Variants in ACACB observed in about 807,000 individuals in gnomAD.
The protein encoded by ACACB is acetyl-CoA carboxylase 2.
A neutral mutation model predicts 278.8 loss-of-function variants in ACACB; 209 were observed. The observed-to-expected ratio is 0.75, with a 90% CI of 0.67 to 0.84. The LOEUF (loss-of-function observed/expected upper bound fraction) is 0.84. ACACB is among the 40% of genes least tolerant of loss of function. The probability of loss-of-function intolerance (pLI) is 0.00; values close to 1 mark genes in which losing one functional copy is unlikely to be tolerated. For missense variants in ACACB, 2,850 were observed against 3,269.0 expected (o/e 0.87, Z 3.13); for synonymous variants, 1,174 against 1,285.6 (o/e 0.91, Z 1.86).
At chr12:109,192,672 CAG>C (rs112949246) in intron 15 of ACACB, among the ~76,000 whole-genome samples, 5 of 151,064 alleles carry the variant, frequency 3.3e-5, no homozygotes, top group Admixed American at 1.3e-4. Flanking sequence ...TTTTTTGAGA[CAG>C]AGTCTTGCTC....
Position 109,139,106 on chromosome 12 carries a change from A to G in ACACB, c.-9-291A>G, listed in dbSNP as rs143036739. Among the ~76,000 whole-genome samples the G allele has an allele frequency of 1.3e-3, 194 of 152,284 alleles. 2 individuals carry two copies. Among genetic ancestry groups the G allele is most frequent in the African/African-American group, 4.5e-3 (186 of 41,548 alleles). ...CTCTCAAGATTGGCCTGTTCTGCAC[A>G]CTTCATATACTTGGAATCGTATAAT... On this transcript the variant is annotated intron_variant, in intron 1 of 52. Coordinates refer to ENST00000338432, the MANE Select transcript of ACACB (RefSeq NM_001093.4).
intron 7 of ACACB, among the ~76,000 whole-genome samples, chr12:109,174,987 A>G (rs1301607549): frequency 7.9e-5 from 12 of 152,210 alleles, no homozygotes; most frequent in Non-Finnish European, 1.5e-4. Context: ...ATAGGATTAT[A>G]TCTTATGGAT....
At chr12:109,212,727 C>T (rs758327710) in intron 21 of ACACB, 109 bp from the exon 22 acceptor site, 25 of 857,756 alleles carry the variant, frequency 2.9e-5, no homozygotes, top group Non-Finnish European at 9.6e-6. Flanking sequence ...TCCTAACAGG[C>T]CACGGACCAG....
At chr12:109,206,908 A>T (rs2045535428) in intron 20 of ACACB, 52 bp downstream of exon 20, 3 of 1,600,878 alleles carry the variant, frequency 1.9e-6, no homozygotes, top group Non-Finnish European at 2.6e-6. Context: ...GGGTCAGAAG[A>T]TCTACCCCGT....
chr12:109,220,156 C>A (rs1430132829), intron 24 of ACACB, among the ~76,000 whole-genome samples: 1 of 152,100 alleles, frequency 6.6e-6, no homozygotes, highest in Non-Finnish European at 1.5e-5. Flanking sequence ...GTGGAGCAGC[C>A]CCCAGTTCTT....
Position 109,260,176 on chromosome 12 carries a change from A to T in ACACB, c.6497-304A>T, listed in dbSNP as rs1296829285. ...TTAGTGAGGGTTTTCTTTGCTGGAA[A>T]TGGTGGGGCAGGGCAGGGACAGTCA... On this transcript the variant is annotated intron_variant, in intron 47 of 52. Transcript: ENST00000338432. The T allele has an allele frequency of 2.8e-6, 4 of 1,426,926 alleles. No individual in the cohort carries two copies. The African/African-American group carries it at 4.2e-5, about 15-fold the overall frequency. 88.4% of individuals were successfully genotyped at this position (1,426,926 alleles called of 1,614,324 possible).
intron 2 of ACACB, among the ~76,000 whole-genome samples, chr12:109,155,958 A>G (rs371008213): frequency 1.3e-5 from 2 of 152,190 alleles, no homozygotes; most frequent in Non-Finnish European, 1.5e-5. Context: ...GACCAGATCT[A>G]AAGTACTTAC....
At chr12:109,215,963 AT>A (rs2045983470) in intron 22 of ACACB, among the ~76,000 whole-genome samples, 1 of 151,294 alleles carries the variant, frequency 6.6e-6, no homozygotes, top group African/African-American at 2.4e-5. Context: ...CTCCCGGCTA[AT>A]TTTTTTGATT....
intron 2 of ACACB, among the ~76,000 whole-genome samples, chr12:109,147,620 C>T (rs1038503517): frequency 2.6e-5 from 4 of 152,146 alleles, no homozygotes; most frequent in South Asian, 2.1e-4. Context: ...AAGCAAGTTC[C>T]GTGAAGCCAG....
intron 52 of ACACB, 110 bp downstream of exon 52, chr12:109,265,635 G>A: frequency 1.5e-6 from 2 of 1,364,734 alleles, no homozygotes; most frequent in Non-Finnish European, 2.0e-6. Context: ...ACCCTGTGCA[G>A]TCTGGGGTTG....
intron 47 of ACACB, 126 bp from the exon 48 acceptor site, chr12:109,260,354 C>A: frequency 7.8e-7 from 1 of 1,274,864 alleles, no homozygotes. Context: ...TCTCAAATCC[C>A]AGCCCAGTGC....
intron 1 of ACACB, among the ~76,000 whole-genome samples, chr12:109,120,517 G>C (rs1365442094): frequency 6.6e-6 from 1 of 152,160 alleles, no homozygotes; most frequent in Non-Finnish European, 1.5e-5. Context: ...GAGCTCTTGA[G>C]CAGGGGGCAA....
intron 42 of ACACB, chr12:109,252,679 C>T (rs1428318842): frequency 1.0e-5 from 2 of 195,090 alleles, no homozygotes; most frequent in African/African-American, 2.3e-5. Context: ...CAGAAATGCA[C>T]ATCCTCAAGC....
At chr12:109,240,701 A>T (rs1473146353) in intron 35 of ACACB, among the ~76,000 whole-genome samples, 2 of 151,816 alleles carry the variant, frequency 1.3e-5, no homozygotes, top group Non-Finnish European at 2.9e-5. Flanking sequence ...CAGGGGACCC[A>T]TGTGGAGGCT....
intron 52 of ACACB, 92 bp from the exon 53 acceptor site, chr12:109,266,144 G>A (rs2047511349): frequency 2.7e-6 from 4 of 1,482,328 alleles, no homozygotes; most frequent in Non-Finnish European, 2.7e-6. Context: ...TCTGGGTTCT[G>A]GGGTGTGGCC....
At chr12:109,208,515 C>T (rs2045589015) in intron 20 of ACACB, among the ~76,000 whole-genome samples, 1 of 152,176 alleles carries the variant, frequency 6.6e-6, no homozygotes. Context: ...ACAATAATTG[C>T]AACTTTTATT....
intron 36 of ACACB, 137 bp downstream of exon 36, chr12:109,241,418 C>T (rs943442261): frequency 7.3e-6 from 6 of 818,626 alleles, no homozygotes; most frequent in Admixed American, 4.6e-5. Flanking sequence ...GGGTAGCCCC[C>T]TCTGAGTGTT....
chr12:109,133,915 ATTTGT>A (rs1237013875), intron 1 of ACACB, among the ~76,000 whole-genome samples: 2 of 48,650 alleles, frequency 4.1e-5, no homozygotes, highest in African/African-American at 9.5e-5. Flanking sequence ...TTTTTTTTTC[ATTTGT>A]TTTGTTTTGT....
intron 37 of ACACB, 92 bp downstream of exon 37, chr12:109,242,684 CCTAGT>C (rs2046833910): frequency 1.1e-5 from 16 of 1,483,672 alleles, no homozygotes; most frequent in East Asian, 2.3e-5. Context: ...CTTCTAAAGA[CCTAGT>C]CTAAAGGACA....
Sources: allele counts gnomAD v4.1 joint callset (sites outside exome capture counted in the v4.1 genomes callset), GRCh38; gene constraint gnomAD v4.1.1; transcripts MANE v1.5; gene names NCBI Gene and HGNC (gene_info 2026-07-23, HGNC 2026-07-21).